Variants in NCKAP5 observed in about 807,000 individuals in gnomAD.
The protein encoded by NCKAP5 is NCK associated protein 5.
Under a neutral mutation model 167.0 loss-of-function variants are expected in NCKAP5, and 92 were observed. That is an observed-to-expected ratio of 0.55 (90% confidence interval 0.47 to 0.66). The LOEUF is 0.66. Among genes scored for constraint, NCKAP5 ranks in the 30% least tolerant of loss-of-function variants. The pLI is 0.00. For missense variants in NCKAP5, 2,378 were observed against 2,315.0 expected (o/e 1.03, Z -0.56); for synonymous variants, 891 against 877.4 (o/e 1.02, Z -0.27).
intron 5 of NCKAP5, among the ~76,000 whole-genome samples, chr2:133,178,331 T>C (rs1267815324): frequency 6.6e-6 from 1 of 150,964 alleles, no homozygotes; most frequent in African/African-American, 2.4e-5. Flanking sequence ...AAATTCTGTC[T>C]CTATAAAAAA....
intron 12 of NCKAP5, among the ~76,000 whole-genome samples, chr2:132,794,308 G>GAGAGAGT (rs1558788607): frequency 4.0e-5 from 2 of 50,096 alleles, no homozygotes; most frequent in Non-Finnish European, 9.7e-5. Flanking sequence ...AGAGAGAGAG[G>GAGAGAGT]GTGGCGGGAA....
chr2:132,788,469 G>T (rs1278029908), intron 13 of NCKAP5, among the ~76,000 whole-genome samples: 2 of 152,180 alleles, frequency 1.3e-5, no homozygotes, highest in African/African-American at 2.4e-5. Flanking sequence ...GCCTTCTGGC[G>T]CCTGGCTCTG....
chr2:133,527,819 C>G (rs1685050168), intron 2 of NCKAP5, among the ~76,000 whole-genome samples: 1 of 152,064 alleles, frequency 6.6e-6, no homozygotes, highest in Non-Finnish European at 1.5e-5. Flanking sequence ...AATTCCAGCA[C>G]TTTGGGAGGT....
chr2:133,387,182 A>T (rs1403399404), intron 3 of NCKAP5, among the ~76,000 whole-genome samples: 1 of 152,094 alleles, frequency 6.6e-6, no homozygotes, highest in Non-Finnish European at 1.5e-5. Flanking sequence ...AGTGGCTGGT[A>T]CTGGTTGTTC....
chr2:133,507,618 T>C (rs193057024), intron 3 of NCKAP5, among the ~76,000 whole-genome samples: 21 of 152,288 alleles, frequency 1.4e-4, no homozygotes, highest in African/African-American at 4.6e-4. Context: ...GATTCCATGT[T>C]AGGAGAGAAT....
chr2:133,468,781 T>A lies in NCKAP5; in HGVS notation c.69+48677A>T, dbSNP rs1475175221. Reference sequence around the variant, plus strand: ...ATTATGTAATGGCCATCTTTGTCTCTTTTGATCTTTGTTGGTTTAAAGTCT... The same window carrying A: ...ATTATGTAATGGCCATCTTTGTCTCATTTGATCTTTGTTGGTTTAAAGTCT... On this transcript the variant is annotated intron_variant, in intron 3 of 19. Transcript: ENST00000409261. 2.6e-5 allele frequency among the ~76,000 whole-genome samples: 4 copies of A among 152,242 alleles called. No homozygotes were observed. The East Asian group carries it at 7.7e-4, about 29-fold the overall frequency.
At chr2:132,791,741 G>A (rs1250027676) in intron 12 of NCKAP5, among the ~76,000 whole-genome samples, 3 of 152,148 alleles carry the variant, frequency 2.0e-5, no homozygotes, top group African/African-American at 2.4e-5. Flanking sequence ...AATTCCAACT[G>A]ACGGTGACTA....
intron 5 of NCKAP5, among the ~76,000 whole-genome samples, chr2:133,160,427 T>TTCTTTCTTTTTTTTTTTTTTTAGCAG (rs769573859): frequency 9.8e-6 from 1 of 102,142 alleles, no homozygotes; most frequent in African/African-American, 4.0e-5. Flanking sequence ...TTTTTTCTTT[T>TTCTTTCTTTTTTTTTTTTTTTAGCAG]CCTTTCTTTT....
At chr2:133,647,800 G>A in the NCKAP5 span, among the ~76,000 whole-genome samples, 1 of 151,790 alleles carries the variant, frequency 6.6e-6, no homozygotes. Flanking sequence ...AAAAAAGGGA[G>A]AGAACGGGAG....
Position 133,499,958 on chromosome 2 carries a change from T to C in NCKAP5, c.69+17500A>G, listed in dbSNP as rs137963335. Among the ~76,000 whole-genome samples, 224 of 152,258 alleles carry C rather than the reference T, an allele frequency of 1.5e-3. 1 individual carries two copies. The highest frequency in any genetic ancestry group is 5.1e-3 in the African/African-American group (213 of 41,544). On this transcript the variant is annotated intron_variant, in intron 3 of 19. Transcript: ENST00000409261. ...TTTTTCAAATAGTTTCTCTGATTAT[T>C]CACAAGGATTTAGAAGAGCAAGCAC...
At chr2:133,617,827 A>G in the NCKAP5 span, among the ~76,000 whole-genome samples, 1 of 150,756 alleles carries the variant, frequency 6.6e-6, no homozygotes, top group East Asian at 2.0e-4. Context: ...TGGAACCAAA[A>G]AAGAGCCCGC....
intron 6 of NCKAP5, among the ~76,000 whole-genome samples, chr2:133,088,406 T>C (rs763129334): frequency 6.6e-6 from 1 of 152,118 alleles, no homozygotes; most frequent in Non-Finnish European, 1.5e-5. Context: ...ACCAAACCTC[T>C]CACCCCTCTT....
intron 3 of NCKAP5, among the ~76,000 whole-genome samples, chr2:133,500,037 T>C (rs187812770): frequency 5.1e-4 from 77 of 152,228 alleles, no homozygotes; most frequent in Admixed American, 2.2e-3. Context: ...CTAGAATGCA[T>C]TCTATCATTT....
chr2:133,433,166 ATC>A (rs1417546813), intron 3 of NCKAP5, among the ~76,000 whole-genome samples: 7 of 152,226 alleles, frequency 4.6e-5, no homozygotes, highest in African/African-American at 1.7e-4. Context: ...TTACCTAAAT[ATC>A]TGTTATAAAT....
chr2:133,196,563 A>T (rs544479336), intron 5 of NCKAP5, among the ~76,000 whole-genome samples: 1 of 152,196 alleles, frequency 6.6e-6, no homozygotes, highest in South Asian at 2.1e-4. Flanking sequence ...AATCCTAGAC[A>T]TGGAACATCT....
At chr2:133,263,995 A>G (rs2089051010) in intron 4 of NCKAP5, among the ~76,000 whole-genome samples, 1 of 152,176 alleles carries the variant, frequency 6.6e-6, no homozygotes, top group African/African-American at 2.4e-5. Context: ...TTGTGCTAAC[A>G]CTTTCATCCC....
chr2:133,091,208 T>A (rs1199168773), intron 6 of NCKAP5, among the ~76,000 whole-genome samples: 6 of 152,178 alleles, frequency 3.9e-5, no homozygotes, highest in Non-Finnish European at 8.8e-5. Flanking sequence ...CTTTTCTTTA[T>A]AAATTACCCA....
chr2:133,451,561 T>A (rs1433648553), intron 3 of NCKAP5, among the ~76,000 whole-genome samples: 1 of 152,182 alleles, frequency 6.6e-6, no homozygotes, highest in African/African-American at 2.4e-5. Flanking sequence ...ACACAGAACT[T>A]TTTTATCTTT....
chr2:133,118,032 T>C (rs182702104), intron 6 of NCKAP5: 1 of 152,370 alleles, frequency 6.6e-6, no homozygotes, highest in African/African-American at 2.4e-5. Context: ...ATGCCCCTTC[T>C]TCAGTTCTCT....
Sources: allele counts gnomAD v4.1 joint callset (sites outside exome capture counted in the v4.1 genomes callset), GRCh38; gene constraint gnomAD v4.1.1; transcripts MANE v1.5; gene names NCBI Gene and HGNC (gene_info 2026-07-23, HGNC 2026-07-21).